Variants in CAPRIN1 observed in about 807,000 individuals in gnomAD.
CAPRIN1 encodes the protein caprin-1.
Under a neutral mutation model 100.9 loss-of-function variants are expected in CAPRIN1, and 29 were observed. The ratio of observed to expected loss-of-function variants is 0.29; its 90% CI spans 0.21 to 0.39. The LOEUF (loss-of-function observed/expected upper bound fraction) is 0.39, where lower values mean the gene tolerates loss of function less well. Among genes scored for constraint, CAPRIN1 ranks in the 10% least tolerant of loss-of-function variants. The pLI, the probability that CAPRIN1 is intolerant of heterozygous loss-of-function variation, is 1.00. For missense variants in CAPRIN1, 795 were observed against 876.7 expected (o/e 0.91, Z 1.18); for synonymous variants, 338 against 307.5 (o/e 1.10, Z -1.04).
intron 16 of CAPRIN1, among the ~76,000 whole-genome samples, chr11:34,096,904 C>T (rs951329189): frequency 6.6e-6 from 1 of 152,186 alleles, no homozygotes; most frequent in Admixed American, 6.5e-5. Context: ...ATGTCTACCA[C>T]TATCTCCTGG....
At position 34,071,996 on chromosome 11, in the gene CAPRIN1, A is replaced by C; in HGVS notation, c.366+9A>C. 1 of 1,550,572 alleles carries C rather than the reference A, an allele frequency of 6.4e-7. No individual in the cohort carries two copies. The highest frequency in any genetic ancestry group is 8.9e-7 in the Non-Finnish European group (1 of 1,125,502). ...TGGCACTAAGTCAAGATGTAAGTAA[A>C]AGAAAGTATACATATTTATGAAATA... On this transcript the variant is annotated intron_variant, in intron 4 of 18. Coordinates refer to ENST00000341394, the MANE Select transcript of CAPRIN1 (RefSeq NM_005898.5).
At chr11:34,055,389 C>T (rs905971023) in intron 2 of CAPRIN1, among the ~76,000 whole-genome samples, 1 of 152,202 alleles carries the variant, frequency 6.6e-6, no homozygotes, top group Admixed American at 6.5e-5. Context: ...ACGATGTGAT[C>T]TCGGTTCACT....
chr11:34,087,681 A>G (rs1336680230), intron 11 of CAPRIN1, among the ~76,000 whole-genome samples: 1 of 152,224 alleles, frequency 6.6e-6, no homozygotes, highest in African/African-American at 2.4e-5. Context: ...GGTGACACCT[A>G]CAAGAGAGCA....
intron 2 of CAPRIN1, chr11:34,055,749 T>C (rs1850436345): frequency 1.3e-5 from 2 of 152,330 alleles, no homozygotes; most frequent in East Asian, 3.9e-4. Flanking sequence ...AAGTAACTTT[T>C]TTTTCTGTCT....
chr11:34,091,430 GC>G (rs1159721911), intron 14 of CAPRIN1, among the ~76,000 whole-genome samples: 1 of 152,116 alleles, frequency 6.6e-6, no homozygotes. Context: ...GACACTCCAG[GC>G]ATAAGCCACC....
chr11:34,075,051 A>C (rs1453387128), intron 4 of CAPRIN1, among the ~76,000 whole-genome samples: 2 of 151,262 alleles, frequency 1.3e-5, no homozygotes, highest in Non-Finnish European at 2.9e-5. Flanking sequence ...TTTAAAAAAG[A>C]CTTTTTTTTT....
At chr11:34,082,070 C>A (rs1851044164) in intron 7 of CAPRIN1, among the ~76,000 whole-genome samples, 1 of 152,190 alleles carries the variant, frequency 6.6e-6, no homozygotes, top group Non-Finnish European at 1.5e-5. Flanking sequence ...CCTCGGCCTC[C>A]CAGAGTGCTG....
chr11:34,082,290 C>T (rs1331802570), intron 7 of CAPRIN1, among the ~76,000 whole-genome samples: 2 of 152,016 alleles, frequency 1.3e-5, no homozygotes, highest in African/African-American at 2.4e-5. Context: ...CAGGTTCAAG[C>T]GATTCTCCTG....
At chr11:34,058,748 A>G (rs1850509382) in intron 2 of CAPRIN1, among the ~76,000 whole-genome samples, 1 of 152,204 alleles carries the variant, frequency 6.6e-6, no homozygotes, top group African/African-American at 2.4e-5. Context: ...ATAAACTTTT[A>G]TAAAGTTAAA....
chr11:34,077,525 A>G (rs373292205), intron 6 of CAPRIN1, among the ~76,000 whole-genome samples: 3 of 152,156 alleles, frequency 2.0e-5, no homozygotes, highest in African/African-American at 7.2e-5. Context: ...TTAAAAAGGG[A>G]CATTTACGTT....
chr11:34,091,950 A>C lies in CAPRIN1; in HGVS notation c.1599A>C (p.Glu533Asp). The C allele has an allele frequency of 6.2e-7, 1 of 1,613,926 alleles. No individual in the cohort carries two copies. Among genetic ancestry groups the C allele is most frequent in the Non-Finnish European group, 8.5e-7 (1 of 1,179,936 alleles). Residue 533 changes from glutamate to aspartate, a missense_variant, in exon 15 of 19, where the codon GAA becomes GAC. This residue lies in a region of CAPRIN1 where 648 missense variants were observed against 697.9 expected (regional missense o/e 0.93). Coordinates refer to ENST00000341394, the MANE Select transcript of CAPRIN1 (RefSeq NM_005898.5). ...NAPVPPVNEP[E>D]TLKQQNQYQA... ...CAGTTCCTCCTGTTAATGAACCAGAAACTTTAAAACAGCAAAATCAGTACC... is the reference window on the plus strand; with the variant it reads ...CAGTTCCTCCTGTTAATGAACCAGACACTTTAAAACAGCAAAATCAGTACC...
chr11:34,098,763 GTTTTAACAGCA>G, intron 18 of CAPRIN1: 1 of 985,162 alleles, frequency 1.0e-6, no homozygotes, highest in Non-Finnish European at 1.2e-6. Flanking sequence ...CTAAAAATCT[GTTTTAACAGCA>G]TGTAAAAAGT....
chr11:34,071,867 TTTCC>T lies in CAPRIN1; in HGVS notation c.280-33_280-30del, dbSNP rs1349974700. On this transcript the variant is annotated intron_variant, in intron 3 of 18. Coordinates refer to ENST00000341394, the MANE Select transcript of CAPRIN1 (RefSeq NM_005898.5). ...AAAATTAATTCTGTGGTTTTTTGTCTTTCCAGTAAAGTTTGGGTTCTTTGTCATT... is the reference window on the plus strand; with the variant it reads ...AAAATTAATTCTGTGGTTTTTTGTCTAGTAAAGTTTGGGTTCTTTGTCATT... The T allele has an allele frequency of 2.5e-6, 4 of 1,597,796 alleles. No homozygotes were observed. The African/African-American group carries it at 5.4e-5, about 21-fold the overall frequency.
chr11:34,052,797 G>A, intron 2 of CAPRIN1, 161 bp downstream of exon 2: 1 of 1,445,996 alleles, frequency 6.9e-7, no homozygotes, highest in Non-Finnish European at 9.1e-7. Flanking sequence ...CGTTCAGCGG[G>A]AGCTTCGTGC....
chr11:34,081,389 G>A (rs1189979097), intron 7 of CAPRIN1, among the ~76,000 whole-genome samples: 1 of 152,016 alleles, frequency 6.6e-6, no homozygotes, highest in East Asian at 1.9e-4. Flanking sequence ...AGTAGAGATG[G>A]GGTTTCACCA....
Position 34,101,994 on chromosome 11 carries a change from G to A in CAPRIN1, c.*2627G>A, listed in dbSNP as rs1164736291. On this transcript the variant is annotated 3_prime_UTR_variant, in exon 19 of 19. Transcript: ENST00000341394. ...GAATGTTATTGATTACCTTGATTAG[G>A]GCAGTTTTATTTCCAGATCCTAATA... is the stretch of plus-strand genomic sequence containing the variant. Among the ~76,000 whole-genome samples the A allele has an allele frequency of 6.6e-6, 1 of 151,730 alleles. No individual in the cohort carries two copies. Among genetic ancestry groups the A allele is most frequent in the Admixed American group, 6.6e-5 (1 of 15,242 alleles).
At chr11:34,052,232 C>T in intron 1 of CAPRIN1, 189 bp from the exon 2 acceptor site, 2 of 205,256 alleles carry the variant, frequency 9.7e-6, no homozygotes, top group Non-Finnish European at 1.7e-5. Flanking sequence ...GCCGGGCGCC[C>T]CGCTGGCGGG....
In CAPRIN1 at chr11:34,101,433, A is replaced by C. The variant is rs938845308; in HGVS notation, c.*2066A>C. 6.6e-6 allele frequency among the ~76,000 whole-genome samples: 1 copy of C among 152,208 alleles called. No homozygotes were observed. The highest frequency in any genetic ancestry group is 2.4e-5 in the African/African-American group (1 of 41,456). On this transcript the variant is annotated 3_prime_UTR_variant, in exon 19 of 19. Coordinates refer to ENST00000341394, the MANE Select transcript of CAPRIN1 (RefSeq NM_005898.5). ...GACATTTACAATCAGGACTGAAGTA[A>C]GTTCTTCACACAGTGACCTCTGAAT... is the stretch of plus-strand genomic sequence containing the variant.
chr11:34,081,634 C>T (rs1851031559), intron 7 of CAPRIN1, among the ~76,000 whole-genome samples: 1 of 152,038 alleles, frequency 6.6e-6, no homozygotes, highest in South Asian at 2.1e-4. Flanking sequence ...GCTGGGATTA[C>T]AGGTGCATGG....
Sources: allele counts gnomAD v4.1 joint callset (sites outside exome capture counted in the v4.1 genomes callset), GRCh38; gene constraint gnomAD v4.1.1; regional missense constraint gnomAD v4.1.1; transcripts MANE v1.5; gene names NCBI Gene and HGNC (gene_info 2026-07-23, HGNC 2026-07-21).